Variants in PAX3 observed in about 807,000 individuals in gnomAD.
PAX3 encodes the protein paired box 3.
Under a neutral mutation model 51.6 loss-of-function variants are expected in PAX3, and 14 were observed. That is an observed-to-expected ratio of 0.27 (90% confidence interval 0.18 to 0.42). The LOEUF is 0.42. PAX3 is among the 10% of genes least tolerant of loss of function. The probability of loss-of-function intolerance (pLI) is 1.00; values close to 1 mark genes in which losing one functional copy is unlikely to be tolerated. For missense variants in PAX3, 540 were observed against 642.8 expected (o/e 0.84, Z 1.73); for synonymous variants, 280 against 253.4 (o/e 1.11, Z -1.00).
intron 5 of PAX3, among the ~76,000 whole-genome samples, chr2:222,224,598 A>C (rs1692315538): frequency 6.6e-6 from 1 of 152,130 alleles, no homozygotes; most frequent in South Asian, 2.1e-4. Context: ...GTACCCTAGA[A>C]ATGACCTTTA....
chr2:222,221,798 C>T lies in PAX3; in HGVS notation c.793-411G>A, dbSNP rs148214140. The T allele has an allele frequency of 9.9e-5, 21 of 211,814 alleles. No homozygotes were observed. The East Asian group carries it at 2.2e-3, about 22-fold the overall frequency. The allele number at this position is 211,814 out of a possible 1,614,324, so 13.1% of individuals were successfully genotyped here. On this transcript the variant is annotated intron_variant, in intron 5 of 8. Transcript: ENST00000392070. ...CCTAAATGTGGCCTTGCCTTTTACT[C>T]CAAGCCTTGTATTTTATATTCTTAT...
intron 7 of PAX3, among the ~76,000 whole-genome samples, chr2:222,219,794 CA>C (rs576147003): frequency 6.6e-6 from 1 of 151,824 alleles, no homozygotes; most frequent in African/African-American, 2.4e-5. Context: ...CAATTTAAAA[CA>C]AAAAAACAAA....
chr2:222,296,133 A>G (rs1695281712), intron 2 of PAX3, among the ~76,000 whole-genome samples: 1 of 152,246 alleles, frequency 6.6e-6, no homozygotes, highest in Non-Finnish European at 1.5e-5. Flanking sequence ...TTGGGTTTTT[A>G]AAACTTCGAG....
intron 4 of PAX3, among the ~76,000 whole-genome samples, chr2:222,252,970 A>G (rs1693494667): frequency 6.6e-6 from 1 of 151,702 alleles, no homozygotes; most frequent in Admixed American, 6.6e-5. Flanking sequence ...ACCACCAACT[A>G]CTCTCCCAGA....
At chr2:222,204,605 T>G (rs1335553137) in intron 7 of PAX3, among the ~76,000 whole-genome samples, 2 of 152,112 alleles carry the variant, frequency 1.3e-5, no homozygotes, top group Admixed American at 1.3e-4. Context: ...GACATGAACA[T>G]AAAAACACTT....
At chr2:222,238,191 G>A (rs1692871677) in intron 4 of PAX3, among the ~76,000 whole-genome samples, 1 of 152,198 alleles carries the variant, frequency 6.6e-6, no homozygotes, top group Admixed American at 6.5e-5. Context: ...CAAACTGGGA[G>A]GAGAAGGCAA....
At chr2:222,267,841 C>A (rs1693625951) in intron 4 of PAX3, among the ~76,000 whole-genome samples, 1 of 152,120 alleles carries the variant, frequency 6.6e-6, no homozygotes, top group African/African-American at 2.4e-5. Flanking sequence ...TTTTAAAAAT[C>A]ATATAATTTG....
chr2:222,204,851 A>G (rs2106039867), intron 7 of PAX3, among the ~76,000 whole-genome samples: 1 of 152,308 alleles, frequency 6.6e-6, no homozygotes, highest in Non-Finnish European at 1.5e-5. Context: ...ACTTTAAGGG[A>G]GAAATGGAAT....
chr2:222,294,426 G>A (rs554271462), intron 3 of PAX3, 125 bp from the exon 4 acceptor site: 1 of 1,008,246 alleles, frequency 9.9e-7, no homozygotes, highest in South Asian at 1.4e-5. Flanking sequence ...TGCACTGCTC[G>A]CGGGTGTCTC....
At chr2:222,290,578 C>G (rs1694993565) in intron 4 of PAX3, among the ~76,000 whole-genome samples, 2 of 152,164 alleles carry the variant, frequency 1.3e-5, no homozygotes, top group African/African-American at 2.4e-5. Context: ...CCTCTCTCCC[C>G]CTGCGCTCCG....
At chr2:222,208,293 T>C (rs944799335) in intron 7 of PAX3, among the ~76,000 whole-genome samples, 2 of 137,010 alleles carry the variant, frequency 1.5e-5, no homozygotes, top group African/African-American at 2.5e-5. Context: ...TGGGGGACTA[T>C]AGCAAATATT....
chr2:222,253,642 T>TC (rs1693523306), intron 4 of PAX3, among the ~76,000 whole-genome samples: 1 of 152,028 alleles, frequency 6.6e-6, no homozygotes, highest in South Asian at 2.1e-4. Flanking sequence ...TCTTTTTTTT[T>TC]TTTCTTTCTT....
Position 222,200,178 on chromosome 2 carries a change from T to C in PAX3, c.*1230A>G, listed in dbSNP as rs1574616523. On this transcript the variant is annotated 3_prime_UTR_variant, in exon 9 of 9. Transcript: ENST00000392070. ...AATAACACTGCCTTCCACCTTCTTG[T>C]TCCTCTCAACATCTCAAAAAGCAAA... 2.8e-5 allele frequency: 6 copies of C among 217,330 alleles called. No individual in the cohort carries two copies. The East Asian group carries it at 4.1e-4, about 15-fold the overall frequency. 13.5% of individuals were successfully genotyped at this position (217,330 alleles called of 1,614,324 possible).
At chr2:222,266,246 T>A (rs1041019428) in intron 4 of PAX3, among the ~76,000 whole-genome samples, 4 of 152,172 alleles carry the variant, frequency 2.6e-5, no homozygotes, top group Non-Finnish European at 4.4e-5. Flanking sequence ...AATTCATATG[T>A]GCAAGAGTCC....
At chr2:222,229,932 C>G (rs1400986072) in intron 5 of PAX3, among the ~76,000 whole-genome samples, 1 of 152,102 alleles carries the variant, frequency 6.6e-6, no homozygotes, top group Non-Finnish European at 1.5e-5. Context: ...GCCTATAATC[C>G]CAGCACTTTG....
At chr2:222,238,424 A>C (rs1479391188) in intron 4 of PAX3, among the ~76,000 whole-genome samples, 1 of 152,202 alleles carries the variant, frequency 6.6e-6, no homozygotes, top group African/African-American at 2.4e-5. Flanking sequence ...TATAATTCAG[A>C]GATGGGAGAC....
At chr2:222,296,748 A>T (rs1559319810) in intron 2 of PAX3, among the ~76,000 whole-genome samples, 1 of 152,242 alleles carries the variant, frequency 6.6e-6, no homozygotes, top group Non-Finnish European at 1.5e-5. Context: ...TAAAAAACAG[A>T]TGTTATTTTT....
intron 4 of PAX3, among the ~76,000 whole-genome samples, chr2:222,249,375 C>A (rs550324745): frequency 5.3e-5 from 8 of 152,280 alleles, no homozygotes; most frequent in African/African-American, 1.9e-4. Context: ...CAGACCCTTT[C>A]CTTGAGTAAA....
chr2:222,217,661 A>G (rs1312684931), intron 7 of PAX3, among the ~76,000 whole-genome samples: 3 of 152,186 alleles, frequency 2.0e-5, no homozygotes, highest in Non-Finnish European at 2.9e-5. Context: ...ATGATCCAAT[A>G]TATTCATAAT....
Sources: gnomAD v4.1 joint callset for allele counts (sites outside exome capture counted in the v4.1 genomes callset) on GRCh38, gnomAD v4.1.1 for gene constraint, MANE v1.5 for transcripts, NCBI Gene and HGNC (gene_info 2026-07-23, HGNC 2026-07-21) for gene names.